Variants in DNAH2 observed in about 807,000 individuals in gnomAD.
The protein encoded by DNAH2 is dynein axonemal heavy chain 2.
A neutral mutation model predicts 523.5 loss-of-function variants in DNAH2; 323 were observed. The ratio of observed to expected loss-of-function variants is 0.62; its 90% CI spans 0.56 to 0.68. DNAH2 has a LOEUF of 0.68. Among genes scored for constraint, DNAH2 ranks in the 30% least tolerant of loss-of-function variants. The pLI is 0.00. For missense variants in DNAH2, 4,907 were observed against 5,701.5 expected (o/e 0.86, Z 4.49); for synonymous variants, 2,093 against 2,177.4 (o/e 0.96, Z 1.08).
rs2076794699 is a variant in DNAH2, at chr17:7,788,126, TCAA to T, written c.6786_6788del (p.Asn2262del). On this transcript the variant is annotated inframe_deletion, in exon 44 of 86. Transcript: ENST00000572933. The stretch of plus-strand genomic sequence containing the variant: ...CTTCAACGCATGTTCGAAAAGCTCA[TCAA>T]CAAGATGCTGGCCTTTAAGAAGGAC... The T allele has an allele frequency of 2.5e-6, 4 of 1,614,048 alleles. No homozygotes were observed. The African/African-American group carries it at 4.0e-5, about 16-fold the overall frequency.
intron 63 of DNAH2, among the ~76,000 whole-genome samples, chr17:7,815,294 G>C (rs1034821814): frequency 2.0e-5 from 3 of 152,264 alleles, no homozygotes; most frequent in Admixed American, 2.0e-4. Context: ...ACTCAGTTAA[G>C]GCAGAGCTAC....
In DNAH2 at chr17:7,831,573, G is replaced by A; in HGVS notation, c.12611+32G>A. The A allele has an allele frequency of 1.2e-6, 2 of 1,613,988 alleles. No individual in the cohort carries two copies. The highest frequency in any genetic ancestry group is 1.7e-6 in the Non-Finnish European group (2 of 1,179,900). ...CAGAGGGGGACTCTGCGGAACAGGG[G>A]AGGGTGTGAGGAGAAGCCTTTGCCT... On this transcript the variant is annotated intron_variant, in intron 81 of 85. Coordinates refer to ENST00000572933, the MANE Select transcript of DNAH2 (RefSeq NM_020877.5). The surrounding 1 kb of genome is among the most constrained non-coding windows in gnomAD (Gnocchi z 4.2).
At chr17:7,814,466 A>T (rs910489664) in intron 63 of DNAH2, among the ~76,000 whole-genome samples, 9 of 152,230 alleles carry the variant, frequency 5.9e-5, no homozygotes, top group Non-Finnish European at 1.2e-4. Flanking sequence ...AATAATTTTT[A>T]AAAATTTAAA....
Position 7,739,781 on chromosome 17 carries a change from G to C in DNAH2, c.1219G>C (p.Gly407Arg). The change falls in exon 9 of 86, where the codon GGT becomes CGT. Residue 407 changes from glycine (G) to arginine (R), a missense_variant. Physicochemically the swap from Gly to Arg is moderately radical, Grantham distance 125. This residue lies in a region of DNAH2 where 2,806 missense variants were observed against 3,190.8 expected (regional missense o/e 0.88). Coordinates refer to ENST00000572933, the MANE Select transcript of DNAH2 (RefSeq NM_020877.5). ...HFARWEDGKQ[G>R]PLPCFFGAQG... ...CGCCCGCTGGGAAGATGGCAAGCAGGGTCCCCTTCCTTGCTTCTTTGGTGC... is the reference window on the plus strand; with the variant it reads ...CGCCCGCTGGGAAGATGGCAAGCAGCGTCCCCTTCCTTGCTTCTTTGGTGC... 13 of 1,613,810 alleles carry C rather than the reference G, an allele frequency of 8.1e-6. No homozygotes were observed. Among genetic ancestry groups the C allele is most frequent in the Non-Finnish European group, 1.0e-5 (12 of 1,179,996 alleles).
chr17:7,767,678 T>C (rs2076207018), intron 22 of DNAH2, among the ~76,000 whole-genome samples: 1 of 152,004 alleles, frequency 6.6e-6, no homozygotes, highest in Non-Finnish European at 1.5e-5. Context: ...AGGTTTTGAT[T>C]TGCATTTCCC....
In DNAH2 at chr17:7,824,729, T is replaced by C. The variant is rs2077971943; in HGVS notation, c.11853+2T>C. ...AAGATGACCACAGAGCCACCAAAGGTATGTGGCCATAGAGAACCAGCATCA... is the reference window on the plus strand; with the variant it reads ...AAGATGACCACAGAGCCACCAAAGGCATGTGGCCATAGAGAACCAGCATCA... On this transcript the variant is annotated splice_donor_variant, in intron 77 of 85. Coordinates refer to ENST00000572933, the MANE Select transcript of DNAH2 (RefSeq NM_020877.5). LOFTEE classifies it high-confidence loss of function. 8 of 1,533,096 alleles carry C rather than the reference T, an allele frequency of 5.2e-6. No individual in the cohort carries two copies. The South Asian group carries it at 9.7e-5, about 19-fold the overall frequency. The allele number at this position is 1,533,096 out of a possible 1,614,324, so 95.0% of individuals were successfully genotyped here. A position where few individuals can be genotyped will look rare whatever the true frequency, so the allele number is the denominator to read the frequency against.
At chr17:7,778,051 CTCTT>C (rs769889364) in intron 33 of DNAH2, 22 bp from the exon 34 acceptor site, 1 of 1,595,954 alleles carries the variant, frequency 6.3e-7, no homozygotes, top group African/African-American at 1.3e-5. Context: ...GCCCACCTCT[CTCTT>C]TTTCTGCGCT....
In DNAH2 at chr17:7,780,304, T is replaced by C. The variant is rs779909021; in HGVS notation, c.5850+20T>C. ...TGCAAGGTACTCCAATAACCCCTTT[T>C]CTCCAGTGATTTTAATTTCCTTTCA... On this transcript the variant is annotated intron_variant, in intron 37 of 85. Transcript: ENST00000572933. This position sits in a 1 kb window ranked among gnomAD's most constrained non-coding sequence, Gnocchi z 4.4. 6.2e-7 allele frequency: 1 copy of C among 1,613,654 alleles called. No individual in the cohort carries two copies. Among genetic ancestry groups the C allele is most frequent in the Non-Finnish European group, 8.5e-7 (1 of 1,179,910 alleles).
chr17:7,823,743 G>T, intron 74 of DNAH2, 91 bp from the exon 75 acceptor site: 1 of 1,580,090 alleles, frequency 6.3e-7, no homozygotes, highest in East Asian at 2.2e-5. Flanking sequence ...CTCCTGGCCC[G>T]GAGCACATTC....
chr17:7,805,129 G>A, intron 60 of DNAH2, 55 bp downstream of exon 60: 4 of 1,599,900 alleles, frequency 2.5e-6, no homozygotes, highest in Middle Eastern at 1.7e-4. Flanking sequence ...CCGGGGAAGG[G>A]AATGGGCCAG....
Position 7,832,683 on chromosome 17 carries a change from C to T in DNAH2, c.12831C>T (p.Phe4277=). 1 of 1,614,132 alleles carries T rather than the reference C, an allele frequency of 6.2e-7. No homozygotes were observed. The highest frequency in any genetic ancestry group is 8.5e-7 in the Non-Finnish European group (1 of 1,180,046). ...WASRARPPVI[F]WLSGFTFPTG... Reference sequence around the variant, plus strand: ...GCCGGGCCCGGCCTCCTGTGATCTTCTGGTTGTCTGGTTTCACCTTTCCCA... The same window carrying T: ...GCCGGGCCCGGCCTCCTGTGATCTTTTGGTTGTCTGGTTTCACCTTTCCCA... The change falls in exon 83 of 86, where the codon TTC becomes TTT. Residue 4277 remains phenylalanine, a synonymous_variant. Transcript: ENST00000572933. This position sits in a 1 kb window ranked among gnomAD's most constrained non-coding sequence, Gnocchi z 4.3.
chr17:7,751,552 T>C (rs911740503), intron 12 of DNAH2, among the ~76,000 whole-genome samples: 7 of 152,210 alleles, frequency 4.6e-5, no homozygotes, highest in Non-Finnish European at 1.0e-4. Context: ...CATTGTTTGT[T>C]TGTTTTTTCC....
At chr17:7,830,026 CAAA>C (rs546222498) in intron 77 of DNAH2, among the ~76,000 whole-genome samples, 3 of 55,244 alleles carry the variant, frequency 5.4e-5, no homozygotes, top group African/African-American at 1.9e-4. Context: ...AACTCCGTCT[CAAA>C]AAAAAAAAAA....
chr17:7,739,176 C>G (rs1012190308), intron 8 of DNAH2, among the ~76,000 whole-genome samples: 2 of 152,168 alleles, frequency 1.3e-5, no homozygotes. Flanking sequence ...GAGGCTGAGG[C>G]GGGCAGATCA....
At chr17:7,774,137 G>T (rs2076388968) in intron 28 of DNAH2, among the ~76,000 whole-genome samples, 1 of 152,150 alleles carries the variant, frequency 6.6e-6, no homozygotes, top group Admixed American at 6.6e-5. Flanking sequence ...CTTCTCTTTG[G>T]TGTATCTGAA....
At position 7,768,354 on chromosome 17, in the gene DNAH2, T is replaced by G. The variant is rs1251143178; in HGVS notation, c.3941+87T>G. 24 of 1,292,598 alleles carry G rather than the reference T, an allele frequency of 1.9e-5. No homozygotes were observed. The Admixed American group carries it at 4.4e-4, about 24-fold the overall frequency. The allele number at this position is 1,292,598 out of a possible 1,614,324, so 80.1% of individuals were successfully genotyped here. A position where few individuals can be genotyped will look rare whatever the true frequency, so the allele number is the denominator to read the frequency against. On this transcript the variant is annotated intron_variant, in intron 24 of 85. Transcript: ENST00000572933. ...GTCCCTCCCATTCTCCTCTCCGCAGTGTTCACAGCCCTCTCTTCCCCTCTG... is the reference window on the plus strand; with the variant it reads ...GTCCCTCCCATTCTCCTCTCCGCAGGGTTCACAGCCCTCTCTTCCCCTCTG...
intron 38 of DNAH2, 31 bp from the exon 39 acceptor site, chr17:7,781,011 C>G (rs2151247482): frequency 1.9e-6 from 3 of 1,613,524 alleles, no homozygotes; most frequent in South Asian, 1.1e-5. Context: ...CCTGCCTCCT[C>G]AAGCCTGAGT....
At position 7,798,864 on chromosome 17, in the gene DNAH2, C is replaced by G; in HGVS notation, c.8559+146C>G. 7.8e-7 allele frequency: 1 copy of G among 1,274,318 alleles called. No homozygotes were observed. Among genetic ancestry groups the G allele is most frequent in the East Asian group, 2.3e-5 (1 of 42,790 alleles). 78.9% of individuals were successfully genotyped at this position (1,274,318 alleles called of 1,614,324 possible). On this transcript the variant is annotated intron_variant, in intron 55 of 85. Transcript: ENST00000572933. This position sits in a 1 kb window ranked among gnomAD's most constrained non-coding sequence, Gnocchi z 5.5. ...ACCTCAGCCCTGTAAGGTGGAAGGT[C>G]CCCTCCAGGGACCCTGGGCAGAGCT...
chr17:7,727,021 G>T, intron 3 of DNAH2, 101 bp from the exon 4 acceptor site: 1 of 1,303,172 alleles, frequency 7.7e-7, no homozygotes, highest in Non-Finnish European at 1.0e-6. Context: ...GAACCTGTCT[G>T]GCTTCTCTCA....
Sources: allele counts gnomAD v4.1 joint callset (sites outside exome capture counted in the v4.1 genomes callset), GRCh38; gene constraint gnomAD v4.1.1; regional missense constraint gnomAD v4.1.1; non-coding constraint Gnocchi (gnomAD v3.1); transcripts MANE v1.5; gene names NCBI Gene and HGNC (gene_info 2026-07-23, HGNC 2026-07-21).